ADARB2: variants seen among roughly 807,000 people sequenced by gnomAD.
ADARB2 encodes the protein inactive double-stranded RNA-specific editase B2.
Under a neutral mutation model 62.2 loss-of-function variants are expected in ADARB2, and 25 were observed. The observed-to-expected ratio is 0.40, with a 90% confidence interval of 0.29 to 0.56. ADARB2 has a LOEUF of 0.56. Ranked by LOEUF, ADARB2 falls within the 20% of genes least tolerant of loss-of-function variation. The probability of loss-of-function intolerance (pLI) is 0.43; values close to 1 mark genes in which losing one functional copy is unlikely to be tolerated. For synonymous variants in ADARB2, 572 were observed against 500.8 expected (o/e 1.14, Z -1.90); for missense variants, 1,071 against 1,077.4 (o/e 0.99, Z 0.08).
At position 1,363,219 on chromosome 10, in the gene ADARB2, C is replaced by A; in HGVS notation, c.886G>T (p.Ala296Ser). Residue 296 changes from alanine to serine, a missense_variant, in exon 3 of 10, where the codon GCA (alanine) becomes TCA (serine). Ala to Ser is a moderately conservative substitution (Grantham distance 99). Coordinates refer to ENST00000381312, the MANE Select transcript of ADARB2 (RefSeq NM_018702.4). The stretch of plus-strand genomic sequence containing the variant: ...CGCGCGCGCCGCTCGGCCGGTTCTG[C>A]CAGACACACGTAGCGCAGCCCGGCG... ...LRAGLRYVCL[A>S]EPAERRARSF... 6.9e-7 allele frequency: 1 copy of A among 1,457,252 alleles called. No homozygotes were observed. The highest frequency in any genetic ancestry group is 2.9e-5 in the East Asian group (1 of 34,166). 90.3% of individuals were successfully genotyped at this position (1,457,252 alleles called of 1,614,324 possible).
chr10:1,660,651 C>T (rs551860586), intron 1 of ADARB2, among the ~76,000 whole-genome samples: 8 of 152,226 alleles, frequency 5.3e-5, no homozygotes, highest in African/African-American at 1.4e-4. Flanking sequence ...GTTGGGACCC[C>T]GTGTATCAGG....
chr10:1,629,987 GC>G (rs1412610017), intron 1 of ADARB2, among the ~76,000 whole-genome samples: 1 of 152,026 alleles, frequency 6.6e-6, no homozygotes, highest in Non-Finnish European at 1.5e-5. Context: ...CATCTGCCGA[GC>G]CCTTGCTCAC....
intron 1 of ADARB2, among the ~76,000 whole-genome samples, chr10:1,459,609 C>T (rs1411534583): frequency 6.6e-6 from 1 of 152,126 alleles, no homozygotes; most frequent in Non-Finnish European, 1.5e-5. Context: ...ACTAAAAATA[C>T]AAAATTAGCT....
At chr10:1,196,150 G>C (rs1011390582) in intron 8 of ADARB2, among the ~76,000 whole-genome samples, 6 of 151,376 alleles carry the variant, frequency 4.0e-5, no homozygotes, top group Admixed American at 2.6e-4. Flanking sequence ...GCCACACTGA[G>C]AGTGCTCCTG....
chr10:1,184,095 A>G (rs1446174541), intron 9 of ADARB2, among the ~76,000 whole-genome samples: 1 of 152,220 alleles, frequency 6.6e-6, no homozygotes, highest in Non-Finnish European at 1.5e-5. Flanking sequence ...GTCTCGGCCA[A>G]GCTCAGAGCT....
intron 1 of ADARB2, among the ~76,000 whole-genome samples, chr10:1,563,031 T>G (rs184637481): frequency 6.6e-6 from 1 of 152,160 alleles, no homozygotes; most frequent in Non-Finnish European, 1.5e-5. Context: ...GTCATTCACT[T>G]AAGGTGCTGA....
intron 1 of ADARB2, among the ~76,000 whole-genome samples, chr10:1,453,573 T>C (rs1332051211): frequency 2.0e-5 from 3 of 152,162 alleles, no homozygotes; most frequent in African/African-American, 4.8e-5. Flanking sequence ...ACCCACAGAA[T>C]GGGAGAAAAT....
chr10:1,708,501 T>A (rs183013449), intron 1 of ADARB2, among the ~76,000 whole-genome samples: 231 of 152,226 alleles, frequency 1.5e-3, no homozygotes, highest in African/African-American at 4.8e-3. Flanking sequence ...TCAGCCAGGG[T>A]CTGTGCTGGC....
chr10:1,666,474 G>T (rs1354955237), intron 1 of ADARB2, among the ~76,000 whole-genome samples: 1 of 152,230 alleles, frequency 6.6e-6, no homozygotes, highest in Non-Finnish European at 1.5e-5. Context: ...TCCCCCAATC[G>T]TGTTCCCGCA....
At position 1,566,550 on chromosome 10, in the gene ADARB2, C is replaced by T. The variant is rs377166501; in HGVS notation, c.100+170501G>A. Among the ~76,000 whole-genome samples, 5 of 152,038 alleles carry T rather than the reference C, an allele frequency of 3.3e-5. No individual in the cohort carries two copies. In the South Asian group the frequency reaches 6.2e-4, roughly 19 times the overall value. On this transcript the variant is annotated intron_variant, in intron 1 of 9. Transcript: ENST00000381312. ...GGTTACTGTGGGGAAAAAGAAGTGC[C>T]TTCATTTTTCAGTAGAACAATTGTA...
chr10:1,726,674 C>G (rs112567021), intron 1 of ADARB2, among the ~76,000 whole-genome samples: 140 of 152,340 alleles, frequency 9.2e-4, no homozygotes, highest in African/African-American at 3.1e-3. Flanking sequence ...GCAGGCAGCA[C>G]TTGCCCTGAG....
At chr10:1,647,470 T>C (rs900264783) in intron 1 of ADARB2, among the ~76,000 whole-genome samples, 2 of 152,244 alleles carry the variant, frequency 1.3e-5, no homozygotes, top group African/African-American at 4.8e-5. Flanking sequence ...TGTGTATATG[T>C]ACGTGTGTAT....
chr10:1,511,611 ACTACACTGGATACCAAGACATGGAGCTGT>A (rs1440372632), intron 1 of ADARB2, among the ~76,000 whole-genome samples: 15 of 152,102 alleles, frequency 9.9e-5, no homozygotes, highest in South Asian at 6.2e-4. Flanking sequence ...CATTAATGCC[ACTACACTGGATACCAAGACATGGAGCTGT>A]CTACACTGGA....
intron 4 of ADARB2, among the ~76,000 whole-genome samples, chr10:1,259,768 G>A (rs1345281056): frequency 3.3e-5 from 5 of 152,258 alleles, no homozygotes; most frequent in African/African-American, 1.2e-4. Context: ...CCAATCAATA[G>A]AAAAAGAGGG....
intron 1 of ADARB2, among the ~76,000 whole-genome samples, chr10:1,659,450 G>T (rs891708345): frequency 6.6e-6 from 1 of 152,180 alleles, no homozygotes; most frequent in Non-Finnish European, 1.5e-5. Flanking sequence ...TGACTAAAAC[G>T]TGCACAGAAA....
intron 1 of ADARB2, among the ~76,000 whole-genome samples, chr10:1,680,448 C>T (rs1035302010): frequency 5.9e-5 from 9 of 152,090 alleles, no homozygotes; most frequent in African/African-American, 9.7e-5. Flanking sequence ...GACTGCTGAT[C>T]GTCTTAGCCA....
intron 1 of ADARB2, among the ~76,000 whole-genome samples, chr10:1,668,473 G>C (rs890001234): frequency 2.0e-5 from 3 of 152,170 alleles, no homozygotes; most frequent in African/African-American, 7.2e-5. Context: ...CATCTACAAA[G>C]CTTGGATTCG....
intron 1 of ADARB2, among the ~76,000 whole-genome samples, chr10:1,684,443 T>C (rs1834576152): frequency 6.6e-6 from 1 of 152,216 alleles, no homozygotes; most frequent in Admixed American, 6.5e-5. Flanking sequence ...CACACACATA[T>C]ATATTCTCTA....
intron 4 of ADARB2, among the ~76,000 whole-genome samples, chr10:1,249,027 G>T (rs561929901): frequency 6.6e-6 from 1 of 152,318 alleles, no homozygotes; most frequent in East Asian, 1.9e-4. Flanking sequence ...GCACAACAAA[G>T]CAGACAACAG....
Sources: allele counts gnomAD v4.1 joint callset (sites outside exome capture counted in the v4.1 genomes callset), GRCh38; gene constraint gnomAD v4.1.1; transcripts MANE v1.5; gene names NCBI Gene and HGNC (gene_info 2026-07-23, HGNC 2026-07-21).